LY96: variants seen among roughly 807,000 people sequenced by gnomAD.
LY96 encodes myeloid differentiation protein-2.
LY96 carries 18 observed loss-of-function variants against 18.9 expected under a neutral mutation model. The observed-to-expected ratio is 0.95, with a 90% CI of 0.66 to 1.41. The LOEUF is 1.41. Ranked by LOEUF, LY96 falls within the 40% of genes most tolerant of loss-of-function variation. The pLI, the probability that LY96 is intolerant of heterozygous loss-of-function variation, is 0.00. For synonymous variants in LY96, 66 were observed against 62.6 expected, an observed-to-expected ratio of 1.06 and a Z score of -0.26; for missense variants, 175 against 182.4, an observed-to-expected ratio of 0.96 and a Z score of 0.23.
chr8:74,092,672 C>A, the LY96 span, among the ~76,000 whole-genome samples: 4 of 152,296 alleles, frequency 2.6e-5, no homozygotes, highest in South Asian at 8.3e-4. Flanking sequence ...ACTGTTTCAC[C>A]CAAACTTTCA....
At chr8:74,081,829 T>G in the LY96 span, among the ~76,000 whole-genome samples, 1 of 152,106 alleles carries the variant, frequency 6.6e-6, no homozygotes, top group Non-Finnish European at 1.5e-5. Flanking sequence ...AATTTTTGTA[T>G]TTTTAGTAGA....
At chr8:74,064,182 G>A in the LY96 span, among the ~76,000 whole-genome samples, 2 of 152,132 alleles carry the variant, frequency 1.3e-5, no homozygotes, top group Non-Finnish European at 2.9e-5. Context: ...AGCTGATAAT[G>A]ATGACAATGT....
At chr8:74,063,928 C>A in the LY96 span, among the ~76,000 whole-genome samples, 1 of 152,052 alleles carries the variant, frequency 6.6e-6, no homozygotes, top group East Asian at 1.9e-4. Context: ...TCATCCTCTC[C>A]AATCCTTGTG....
At chr8:74,092,655 T>C in the LY96 span, among the ~76,000 whole-genome samples, 1 of 152,226 alleles carries the variant, frequency 6.6e-6, no homozygotes, top group Non-Finnish European at 1.5e-5. Context: ...TAGCTAACAC[T>C]GAACTCACTG....
chr8:74,004,926 T>G, intron 2 of LY96, 41 bp downstream of exon 2: 1 of 1,551,730 alleles, frequency 6.4e-7, no homozygotes, highest in Non-Finnish European at 8.9e-7. Context: ...ATCAAAGGAG[T>G]TAAGAAATAT....
chr8:74,068,620 C>G, the LY96 span, among the ~76,000 whole-genome samples: 1 of 152,126 alleles, frequency 6.6e-6, no homozygotes. Flanking sequence ...TTGATATTGT[C>G]AGGGTTTGGT....
chr8:74,020,506 A>G (rs934606129), intron 3 of LY96, among the ~76,000 whole-genome samples: 7 of 152,218 alleles, frequency 4.6e-5, no homozygotes, highest in African/African-American at 1.7e-4. Context: ...AAGGTAATTT[A>G]TAGATTCAAT....
chr8:74,090,110 A>G, the LY96 span, among the ~76,000 whole-genome samples: 9 of 152,302 alleles, frequency 5.9e-5, no homozygotes, highest in South Asian at 1.5e-3. Flanking sequence ...GACTCCCTCT[A>G]TGCTCCATCA....
the LY96 span, among the ~76,000 whole-genome samples, chr8:74,039,043 A>G: frequency 6.6e-6 from 1 of 152,128 alleles, no homozygotes; most frequent in African/African-American, 2.4e-5. Flanking sequence ...AGCATTTGTT[A>G]TTGCCTGACA....
chr8:74,026,148 TA>T (rs200345119), intron 3 of LY96, among the ~76,000 whole-genome samples: 8,526 of 152,042 alleles, frequency 0.056, 774 homozygotes, highest in African/African-American at 0.19. Flanking sequence ...GATTTAACTA[TA>T]TTAAAAATAT....
chr8:74,078,337 A>G, the LY96 span, among the ~76,000 whole-genome samples: 93 of 152,298 alleles, frequency 6.1e-4, no homozygotes, highest in East Asian at 0.015. Flanking sequence ...AAGGAGATAC[A>G]GGAAGATCAG....
the LY96 span, among the ~76,000 whole-genome samples, chr8:74,046,780 C>T: frequency 1.3e-5 from 2 of 152,098 alleles, no homozygotes; most frequent in Non-Finnish European, 2.9e-5. Flanking sequence ...AATCCTTCAC[C>T]TTCTCTTCCA....
the LY96 span, among the ~76,000 whole-genome samples, chr8:74,037,920 T>G: frequency 1.3e-5 from 2 of 152,186 alleles, no homozygotes; most frequent in South Asian, 2.1e-4. Flanking sequence ...CTTCTCTTGC[T>G]AATAGTTGCA....
chr8:74,049,308 T>C, the LY96 span, among the ~76,000 whole-genome samples: 1 of 152,168 alleles, frequency 6.6e-6, no homozygotes, highest in Non-Finnish European at 1.5e-5. Flanking sequence ...ACCATACCAC[T>C]CGTGATTGCC....
At chr8:74,044,573 G>C in the LY96 span, among the ~76,000 whole-genome samples, 1 of 151,538 alleles carries the variant, frequency 6.6e-6, no homozygotes, top group Non-Finnish European at 1.5e-5. Flanking sequence ...GATGTTGGCA[G>C]GGTAAAAAAA....
At chr8:74,061,359 T>A in the LY96 span, among the ~76,000 whole-genome samples, 1 of 152,220 alleles carries the variant, frequency 6.6e-6, no homozygotes, top group African/African-American at 2.4e-5. Context: ...ACAAGATGAC[T>A]GTCTGCTTTG....
chr8:74,065,315 G>A, the LY96 span, among the ~76,000 whole-genome samples: 7 of 152,116 alleles, frequency 4.6e-5, no homozygotes, highest in South Asian at 2.1e-4. Context: ...CCCAGGTTGC[G>A]GTCACTCATA....
downstream of LY96, chr8:74,029,105 G>A (rs772924229): frequency 2.8e-6 from 3 of 1,069,330 alleles, no homozygotes. Flanking sequence ...CCTGTTTTAA[G>A]GGTACCCAGG....
At chr8:73,996,226 C>T (rs1816121914) in intron 1 of LY96, among the ~76,000 whole-genome samples, 1 of 152,110 alleles carries the variant, frequency 6.6e-6, no homozygotes, top group Non-Finnish European at 1.5e-5. Context: ...CCAGTCCCAA[C>T]CCCTGGGCTC....
Sources: gnomAD v4.1 joint callset for allele counts (sites outside exome capture counted in the v4.1 genomes callset) on GRCh38, gnomAD v4.1.1 for gene constraint, MANE v1.5 for transcripts, NCBI Gene and HGNC (gene_info 2026-07-23, HGNC 2026-07-21) for gene names.